The following RASGRP1 variants were observed in gnomAD, a reference collection of about 807,000 sequenced individuals.
The protein encoded by RASGRP1 is RAS guanyl releasing protein 1.
RASGRP1 carries 37 observed loss-of-function variants against 95.1 expected under a neutral mutation model. The observed-to-expected ratio is 0.39, with a 90% CI of 0.30 to 0.51. The LOEUF (loss-of-function observed/expected upper bound fraction) is 0.51. RASGRP1 is among the 20% of genes least tolerant of loss of function. The pLI is 0.80. For synonymous variants in RASGRP1, 325 were observed against 353.4 expected, an observed-to-expected ratio of 0.92 and a Z score of 0.90; for missense variants, 711 against 965.4, an observed-to-expected ratio of 0.74 and a Z score of 3.49.
chr15:38,507,924 G>T lies in RASGRP1; in HGVS notation c.1044C>A (p.Thr348=), dbSNP rs763780431. ...DNYRRAYGEC[T]DFKIPILGVH... ...CACCCAGAATGGGGATCTTGAAGTCGGTGCACTCTCCATAGGCTCGCCGGT... is the reference window on the plus strand; with the variant it reads ...CACCCAGAATGGGGATCTTGAAGTCTGTGCACTCTCCATAGGCTCGCCGGT... The change falls in exon 9 of 17, where the codon ACC becomes ACA. Residue 348 remains threonine (T), a synonymous_variant. Transcript: ENST00000310803. The T allele has an allele frequency of 1.2e-5, 20 of 1,612,848 alleles. No individual in the cohort carries two copies. Among genetic ancestry groups the T allele is most frequent in the Non-Finnish European group, 1.4e-5 (17 of 1,179,606 alleles).
chr15:38,559,722 G>A, intron 2 of RASGRP1, 99 bp downstream of exon 2: 1 of 1,277,820 alleles, frequency 7.8e-7, no homozygotes, highest in South Asian at 1.5e-5. Flanking sequence ...TATTTTTAAA[G>A]CCAAAATACA....
At position 38,560,320 on chromosome 15, in the gene RASGRP1, C is replaced by CAAA. The variant is rs1238851032; in HGVS notation, c.36-316_36-315insTTT. The CAAA allele has an allele frequency of 6.5e-4, 231 of 353,564 alleles. 1 individual carries two copies. The highest frequency in any genetic ancestry group is 4.5e-3 in the African/African-American group (215 of 48,148). 21.9% of individuals were successfully genotyped at this position (353,564 alleles called of 1,614,324 possible). A position where few individuals can be genotyped will look rare whatever the true frequency, so the allele number is the denominator to read the frequency against. On this transcript the variant is annotated intron_variant, in intron 1 of 16. Transcript: ENST00000310803. ...TATCTTGGCAGTCCTTAGCTCCCAG[C>CAAA]AATGTATACATTTTTTCAGCTACTA...
At chr15:38,503,502 A>G (rs1301238948) in intron 10 of RASGRP1, 126 bp from the exon 11 acceptor site, 4 of 779,394 alleles carry the variant, frequency 5.1e-6, no homozygotes, top group Non-Finnish European at 6.3e-6. Context: ...AGTGGCAAGG[A>G]GCAGAGAACC....
chr15:38,539,078 G>A (rs1158460450), intron 2 of RASGRP1, among the ~76,000 whole-genome samples: 1 of 152,210 alleles, frequency 6.6e-6, no homozygotes, highest in Non-Finnish European at 1.5e-5. Context: ...AGGAAACAGA[G>A]AGTAAGGTGG....
chr15:38,518,369 G>C lies in RASGRP1; in HGVS notation c.444C>G (p.Asp148Glu). The change falls in exon 5 of 17, where the codon GAC (aspartate) becomes GAG (glutamate). Residue 148 changes from aspartate to glutamate, a missense_variant. By Grantham distance (45) the Asp-to-Glu change is conservative. Transcript: ENST00000310803. ...CCAGTTCCTGAAACTCCTCCATAGT[G>C]TCTGTCAAGCTGGCGTCCATTTTAA... ...VMFKMDASLT[D>E]TMEEFQELVK... is the part of the protein sequence containing the mutation. 6.2e-7 allele frequency: 1 copy of C among 1,609,104 alleles called. No individual in the cohort carries two copies. Among genetic ancestry groups the C allele is most frequent in the Non-Finnish European group, 8.5e-7 (1 of 1,177,680 alleles).
At chr15:38,557,107 G>A (rs2141194787) in intron 2 of RASGRP1, among the ~76,000 whole-genome samples, 1 of 152,292 alleles carries the variant, frequency 6.6e-6, no homozygotes, top group South Asian at 2.1e-4. Context: ...AACTTCAGGA[G>A]AAGCATTAGC....
chr15:38,517,259 A>G (rs907604689), intron 5 of RASGRP1, among the ~76,000 whole-genome samples: 3 of 152,200 alleles, frequency 2.0e-5, no homozygotes, highest in African/African-American at 7.2e-5. Flanking sequence ...TTCCTACAGA[A>G]TATAATGTGG....
chr15:38,509,489 G>A (rs1433148684), intron 8 of RASGRP1, among the ~76,000 whole-genome samples: 1 of 152,320 alleles, frequency 6.6e-6, no homozygotes, highest in African/African-American at 2.4e-5. Context: ...CACTTTGGGA[G>A]ACCGAGGTGG....
chr15:38,521,927 C>T (rs768452546), intron 3 of RASGRP1, among the ~76,000 whole-genome samples: 2 of 152,102 alleles, frequency 1.3e-5, no homozygotes, highest in Non-Finnish European at 2.9e-5. Flanking sequence ...AATGTTTAAC[C>T]TGGCTTTCAT....
At chr15:38,513,003 T>G in intron 6 of RASGRP1, 47 bp from the exon 7 acceptor site, 125 of 1,356,098 alleles carry the variant, frequency 9.2e-5, no homozygotes, top group Non-Finnish European at 1.1e-4. Context: ...ATCAGTACTG[T>G]ACTCTGGTAT....
intron 2 of RASGRP1, among the ~76,000 whole-genome samples, chr15:38,553,878 C>T (rs1043917892): frequency 2.0e-5 from 3 of 152,208 alleles, no homozygotes; most frequent in African/African-American, 7.2e-5. Flanking sequence ...TTTTCTAGTT[C>T]ACATAGCTGA....
chr15:38,519,455 C>A, intron 3 of RASGRP1, 84 bp from the exon 4 acceptor site: 1 of 987,798 alleles, frequency 1.0e-6, no homozygotes, highest in Non-Finnish European at 1.5e-6. Context: ...GCTGAAACTA[C>A]CTCCCAAAAT....
Position 38,494,702 on chromosome 15 carries a change from C to T in RASGRP1, c.1939G>A (p.Asp647Asn). The change falls in exon 16 of 17, where the codon GAT becomes AAT. Residue 647 changes from aspartate (D) to asparagine (N), a missense_variant. Asp to Asn is a conservative substitution (Grantham distance 23, BLOSUM62 1). Coordinates refer to ENST00000310803, the MANE Select transcript of RASGRP1 (RefSeq NM_005739.4). ...EAVEHGEESKDRTIMLMGVSS... is the reference protein window; with the variant it reads ...EAVEHGEESKNRTIMLMGVSS... The stretch of plus-strand genomic sequence containing the variant: ...ACTCCCATCAGCATGATGGTCCGAT[C>T]CTTACTCTCCTCACCATGTTCCACA... 2.0e-6 allele frequency: 3 copies of T among 1,524,636 alleles called. No individual in the cohort carries two copies. The highest frequency in any genetic ancestry group is 2.6e-6 in the Non-Finnish European group (3 of 1,140,348). The allele number at this position is 1,524,636 out of a possible 1,614,324, so 94.4% of individuals were successfully genotyped here. A position where few individuals can be genotyped will look rare whatever the true frequency, so the allele number is the denominator to read the frequency against.
intron 2 of RASGRP1, among the ~76,000 whole-genome samples, chr15:38,557,601 A>ATGTGTGTG (rs5812045): frequency 0.015 from 2,154 of 145,336 alleles, 24 homozygotes; most frequent in South Asian, 0.058. Flanking sequence ...TTGTATATAT[A>ATGTGTGTG]TGTGTGTGTG....
intron 2 of RASGRP1, among the ~76,000 whole-genome samples, chr15:38,547,140 T>C (rs570553759): frequency 8.5e-5 from 13 of 152,334 alleles, no homozygotes; most frequent in African/African-American, 3.1e-4. Flanking sequence ...AGTACGACTA[T>C]AAACTAGCTT....
At chr15:38,516,120 G>A (rs915014827) in intron 6 of RASGRP1, 77 bp downstream of exon 6, 41 of 1,481,120 alleles carry the variant, frequency 2.8e-5, no homozygotes, top group African/African-American at 2.0e-4. Flanking sequence ...GTTATGAAGC[G>A]GATGGGCTGT....
intron 2 of RASGRP1, among the ~76,000 whole-genome samples, chr15:38,552,359 C>T (rs1158945977): frequency 2.0e-5 from 3 of 152,212 alleles, no homozygotes; most frequent in Non-Finnish European, 4.4e-5. Context: ...TCCCTTCCCA[C>T]CTCAACATTT....
chr15:38,499,678 A>C (rs758253551), intron 14 of RASGRP1, among the ~76,000 whole-genome samples: 3 of 152,182 alleles, frequency 2.0e-5, no homozygotes, highest in African/African-American at 4.8e-5. Context: ...AAAATGTTTT[A>C]GAGGTGGGAC....
intron 2 of RASGRP1, among the ~76,000 whole-genome samples, chr15:38,557,507 A>C (rs968738156): frequency 3.3e-5 from 5 of 151,962 alleles, no homozygotes; most frequent in Non-Finnish European, 7.4e-5. Context: ...CTATGTCCTC[A>C]CCCATGAGGT....
Sources: allele counts gnomAD v4.1 joint callset (sites outside exome capture counted in the v4.1 genomes callset), GRCh38; gene constraint gnomAD v4.1.1; transcripts MANE v1.5; gene names NCBI Gene and HGNC (gene_info 2026-07-23, HGNC 2026-07-21).